Variants in GJC1 observed in about 807,000 individuals in gnomAD.
GJC1 encodes gap junction gamma-1 protein.
Under a neutral mutation model 29.3 loss-of-function variants are expected in GJC1, and 5 were observed. The observed-to-expected ratio is 0.17, with a 90% CI of 0.09 to 0.36. GJC1 has a LOEUF of 0.36. GJC1 is among the 10% of genes least tolerant of loss of function. GJC1 has a pLI of 1.00. For missense variants in GJC1, 310 were observed against 496.2 expected, an observed-to-expected ratio of 0.62 and a Z score of 3.56; for synonymous variants, 177 against 183.3, an observed-to-expected ratio of 0.97 and a Z score of 0.28.
intron 1 of GJC1, among the ~76,000 whole-genome samples, chr17:44,817,517 C>T (rs1167259480): frequency 6.6e-6 from 1 of 151,534 alleles, no homozygotes; most frequent in East Asian, 2.0e-4. Context: ...TCGAGACCAG[C>T]CTGACCAAGA....
rs1210622248 is a variant in GJC1 at position 44,800,976 on chromosome 17, T to C, written c.*3651A>G. ...CTATTTCTTTTACAAATCTTCTGAA[T>C]AACGGGTTTTAAGAGCAGGCCAGGC... is the stretch of plus-strand genomic sequence containing the variant. On this transcript the variant is annotated 3_prime_UTR_variant, in exon 3 of 3. Coordinates refer to ENST00000592524, the MANE Select transcript of GJC1 (RefSeq NM_005497.4). 1 of 148,704 alleles carries C rather than the reference T, an allele frequency of 6.7e-6. No homozygotes were observed. The highest frequency in any genetic ancestry group is 2.5e-5 in the African/African-American group (1 of 40,340). 9.2% of individuals were successfully genotyped at this position (148,704 alleles called of 1,614,324 possible).
chr17:44,825,188 CAAAAAAAAAAAAAA>C (rs1162077867), intron 1 of GJC1, among the ~76,000 whole-genome samples: 4 of 45,978 alleles, frequency 8.7e-5, no homozygotes, highest in East Asian at 8.8e-4. Flanking sequence ...GTCTCAATTA[CAAAAAAAAAAAAAA>C]AAAAAAAAAA....
At chr17:44,827,351 A>AC (rs59414628) in intron 1 of GJC1, among the ~76,000 whole-genome samples, 14,438 of 151,848 alleles carry the variant, frequency 0.095, 796 homozygotes, top group East Asian at 0.14. Flanking sequence ...AAACAAACAA[A>AC]AAAAAAAAAT....
intron 1 of GJC1, among the ~76,000 whole-genome samples, chr17:44,827,427 C>T (rs1028526699): frequency 2.0e-5 from 3 of 152,084 alleles, no homozygotes; most frequent in African/African-American, 7.2e-5. Context: ...TATTTCTACA[C>T]TACAAGAAAA....
chr17:44,802,514 G>A lies in GJC1; in HGVS notation c.*2113C>T, dbSNP rs1041215075. ...TCCTTATTAAACATTTGATTTGAAG[G>A]AAACTGTGCATGTCTATTAATTACC... On this transcript the variant is annotated 3_prime_UTR_variant, in exon 3 of 3. Transcript: ENST00000592524. 3.3e-5 allele frequency: 5 copies of A among 152,202 alleles called. No homozygotes were observed. The South Asian group carries it at 1.0e-3, about 32-fold the overall frequency. 9.4% of individuals were successfully genotyped at this position (152,202 alleles called of 1,614,324 possible).
rs73307266 is a variant in GJC1 at position 44,827,466 on chromosome 17, C to A, written c.-97+2596G>T. Among the ~76,000 whole-genome samples the A allele has an allele frequency of 3.7e-3, 558 of 151,972 alleles. 4 individuals carry two copies. The highest frequency in any genetic ancestry group is 0.013 in the African/African-American group (531 of 41,454). On this transcript the variant is annotated intron_variant, in intron 1 of 2. Transcript: ENST00000592524. ...TAAGTTCAGAAATAAGTAATCATAC[C>A]CCCTAGTCAAACTTAACTATAGGAA...
At chr17:44,821,257 T>C (rs1377350616) in intron 1 of GJC1, among the ~76,000 whole-genome samples, 2 of 152,212 alleles carry the variant, frequency 1.3e-5, no homozygotes, top group Non-Finnish European at 2.9e-5. Flanking sequence ...TATTGGAACA[T>C]TTGTCCAAAA....
rs2049874469 is a variant in GJC1, at chr17:44,803,377, G to A, written c.*1250C>T. The A allele has an allele frequency of 6.6e-6, 1 of 152,104 alleles. No individual in the cohort carries two copies. 9.4% of individuals were successfully genotyped at this position (152,104 alleles called of 1,614,324 possible). The stretch of plus-strand genomic sequence containing the variant: ...TAAAAGACTGCAATAAAAGACTAGT[G>A]GGATGAACATGAATGCTTGTCAGTG... On this transcript the variant is annotated 3_prime_UTR_variant, in exon 3 of 3. Transcript: ENST00000592524.
chr17:44,830,569 CGA>C (rs974892382), upstream of GJC1: 3 of 398,262 alleles, frequency 7.5e-6, no homozygotes, highest in African/African-American at 6.2e-5. The surrounding 1 kb of genome is among the most constrained non-coding windows in gnomAD (Gnocchi z 4.3). Context: ...GATTTTCGGG[CGA>C]GAGTCCCCCG....
chr17:44,811,090 T>C (rs931110724), intron 1 of GJC1, among the ~76,000 whole-genome samples: 1 of 151,918 alleles, frequency 6.6e-6, no homozygotes, highest in Admixed American at 6.6e-5. Context: ...TTTCTTTTTT[T>C]TTTTGAGATG....
At chr17:44,807,218 A>C (rs1271011808) in intron 2 of GJC1, among the ~76,000 whole-genome samples, 176 bp downstream of exon 2, 3 of 152,236 alleles carry the variant, frequency 2.0e-5, no homozygotes, top group Non-Finnish European at 4.4e-5. Context: ...AGATTCCCAG[A>C]TCTACATCCA....
intron 1 of GJC1, among the ~76,000 whole-genome samples, chr17:44,825,188 C>CAAAAAAAAAAAAA (rs1162077867): frequency 8.7e-5 from 4 of 45,980 alleles, no homozygotes; most frequent in African/African-American, 3.1e-4. Flanking sequence ...GTCTCAATTA[C>CAAAAAAAAAAAAA]AAAAAAAAAA....
chr17:44,798,131 C>T (rs1036104235), downstream of GJC1, among the ~76,000 whole-genome samples: 4 of 152,168 alleles, frequency 2.6e-5, no homozygotes, highest in African/African-American at 9.7e-5. Context: ...TACCTATATT[C>T]CCCAGATTGC....
intron 1 of GJC1, among the ~76,000 whole-genome samples, chr17:44,818,545 T>C (rs1447181730): frequency 2.7e-5 from 4 of 148,482 alleles, no homozygotes; most frequent in Non-Finnish European, 5.9e-5. Flanking sequence ...GTGGCTCACA[T>C]CTGTAATCCT....
At chr17:44,812,433 A>G (rs1410710760) in intron 1 of GJC1, among the ~76,000 whole-genome samples, 4 of 152,166 alleles carry the variant, frequency 2.6e-5, no homozygotes, top group African/African-American at 9.7e-5. Context: ...TTTATATCCT[A>G]CTGTTCAAGA....
downstream of GJC1, among the ~76,000 whole-genome samples, chr17:44,797,139 T>C (rs2049788854): frequency 6.6e-6 from 1 of 152,138 alleles, no homozygotes; most frequent in Admixed American, 6.6e-5. Context: ...AGAGCCTAGC[T>C]CTGTTGCCCA....
chr17:44,808,577 TA>T (rs927262956), intron 1 of GJC1, among the ~76,000 whole-genome samples: 10 of 151,506 alleles, frequency 6.6e-5, no homozygotes, highest in Middle Eastern at 6.9e-3. Context: ...ATGTGAAACC[TA>T]GTCTTCACCA....
In GJC1 at chr17:44,805,204, G is replaced by A; in HGVS notation, c.614C>T (p.Pro205Leu). 1 of 1,614,094 alleles carries A rather than the reference G, an allele frequency of 6.2e-7. No individual in the cohort carries two copies. Among genetic ancestry groups the A allele is most frequent in the Non-Finnish European group, 8.5e-7 (1 of 1,180,006 alleles). ...AGGAAGTCTGCTGCACACATAAAAC[G>A]GGTGGACTTGGAAGCCATACAGAAA... ...QYFLYGFQVH[P>L]FYVCSRLPCP... The change falls in exon 3 of 3, where the codon CCG becomes CTG. Residue 205 changes from proline to leucine, a missense_variant. By Grantham distance (98) the Pro-to-Leu change is moderately conservative. Transcript: ENST00000592524. The surrounding 1 kb of genome is among the most constrained non-coding windows in gnomAD (Gnocchi z 5.1).
rs1423687227 is a variant in GJC1, at chr17:44,821,729, CA to C, written c.-97+8332del. 2.2e-3 allele frequency among the ~76,000 whole-genome samples: 217 copies of C among 98,632 alleles called. 3 individuals carry two copies. Among genetic ancestry groups the C allele is most frequent in the Non-Finnish European group, 2.8e-3 (130 of 46,876 alleles). The allele number at this position is 98,632 out of a possible 152,430, so 64.7% of individuals were successfully genotyped here. ...AAAAAAAAAAAAAAAAAAAAAACAA[CA>C]AAAAAACACCAACACCCATACCATC... is the stretch of plus-strand genomic sequence containing the variant. On this transcript the variant is annotated intron_variant, in intron 1 of 2. Coordinates refer to ENST00000592524, the MANE Select transcript of GJC1 (RefSeq NM_005497.4).
Sources: gnomAD v4.1 joint callset for allele counts (sites outside exome capture counted in the v4.1 genomes callset) on GRCh38, gnomAD v4.1.1 for gene constraint, Gnocchi (gnomAD v3.1) non-coding constraint, MANE v1.5 for transcripts, NCBI Gene and HGNC (gene_info 2026-07-23, HGNC 2026-07-21) for gene names.